Variants in STK33 observed in about 807,000 individuals in gnomAD.
The protein encoded by STK33 is serine/threonine-protein kinase 33.
A neutral mutation model predicts 58.0 loss-of-function variants in STK33; 52 were observed. That is an observed-to-expected ratio of 0.90 (90% CI 0.72 to 1.13). The LOEUF (loss-of-function observed/expected upper bound fraction) is 1.13. Among genes scored for constraint, STK33 ranks in the 50% most tolerant of loss-of-function variants. STK33 has a pLI of 0.00. For missense variants in STK33, 630 were observed against 604.2 expected (o/e 1.04, Z -0.45); for synonymous variants, 215 against 200.1 (o/e 1.07, Z -0.63).
At chr11:8,529,771 A>G (rs1954367695) in intron 1 of STK33, among the ~76,000 whole-genome samples, 1 of 152,184 alleles carries the variant, frequency 6.6e-6, no homozygotes. Context: ...AGAAGCTGAG[A>G]AAGGCAAGGC....
chr11:8,541,174 T>C (rs1462221821), intron 1 of STK33, among the ~76,000 whole-genome samples: 1 of 152,136 alleles, frequency 6.6e-6, no homozygotes, highest in African/African-American at 2.4e-5. Flanking sequence ...AATTAAATTA[T>C]ATCATTACTT....
intron 12 of STK33, 31 bp downstream of exon 12, chr11:8,440,647 T>C: frequency 2.6e-6 from 4 of 1,530,814 alleles, no homozygotes; most frequent in Non-Finnish European, 3.5e-6. Context: ...TATCCACTCA[T>C]CTTAAAGTGT....
At chr11:8,577,109 A>C (rs1389243029) in intron 1 of STK33, among the ~76,000 whole-genome samples, 2 of 152,168 alleles carry the variant, frequency 1.3e-5, no homozygotes, top group Non-Finnish European at 2.9e-5. Context: ...TGTCTAGTAA[A>C]TAGTTAGCAG....
chr11:8,555,076 A>G (rs1956639229), intron 1 of STK33: 1 of 152,164 alleles, frequency 6.6e-6, no homozygotes, highest in Non-Finnish European at 1.5e-5. Context: ...TTGGAGGCCA[A>G]GATGGCCCTT....
At chr11:8,351,801 A>G in the STK33 span, among the ~76,000 whole-genome samples, 1 of 152,066 alleles carries the variant, frequency 6.6e-6, no homozygotes, top group Non-Finnish European at 1.5e-5. Flanking sequence ...CTCCTGGCTC[A>G]CCTGAGACCT....
chr11:8,585,211 C>G (rs1447084066), intron 1 of STK33, among the ~76,000 whole-genome samples: 4 of 136,890 alleles, frequency 2.9e-5, no homozygotes, highest in Non-Finnish European at 4.6e-5. Context: ...GTGTGAGCCA[C>G]TGCACCCAGC....
chr11:8,365,465 G>C, the STK33 span, among the ~76,000 whole-genome samples: 1 of 152,216 alleles, frequency 6.6e-6, no homozygotes, highest in Admixed American at 6.5e-5. Context: ...TGCAGTGACA[G>C]TAACAAATTC....
chr11:8,471,566 G>T (rs944172993), intron 6 of STK33, among the ~76,000 whole-genome samples: 2 of 151,922 alleles, frequency 1.3e-5, no homozygotes, highest in Non-Finnish European at 2.9e-5. Flanking sequence ...GCTATGTAAG[G>T]GTAATAGAAT....
intron 1 of STK33, among the ~76,000 whole-genome samples, chr11:8,557,429 A>T (rs1273574764): frequency 1.3e-5 from 2 of 151,908 alleles, no homozygotes; most frequent in Non-Finnish European, 2.9e-5. Flanking sequence ...ATTTCAACTT[A>T]AAGCTGAATT....
chr11:8,523,765 G>A (rs570328575), intron 1 of STK33, among the ~76,000 whole-genome samples: 9 of 137,196 alleles, frequency 6.6e-5, no homozygotes, highest in South Asian at 4.8e-4. Context: ...CCCGGCCGCC[G>A]CGTCTGGGAA....
At chr11:8,532,132 C>G (rs930056591) in intron 1 of STK33, among the ~76,000 whole-genome samples, 2 of 152,148 alleles carry the variant, frequency 1.3e-5, no homozygotes, top group South Asian at 4.1e-4. Flanking sequence ...ATTCCTGGGC[C>G]CCATCCCAGA....
chr11:8,372,011 G>A, the STK33 span, among the ~76,000 whole-genome samples: 18 of 151,812 alleles, frequency 1.2e-4, no homozygotes, highest in East Asian at 1.9e-3. Flanking sequence ...TCAGCCTCCC[G>A]AGTTGCTGGA....
chr11:8,438,849 C>G (rs984428655), intron 12 of STK33, among the ~76,000 whole-genome samples: 6 of 152,112 alleles, frequency 3.9e-5, no homozygotes, highest in Non-Finnish European at 8.8e-5. Context: ...AATTTTTGCA[C>G]TATGATTTTA....
At chr11:8,429,674 T>C (rs1943182145) in intron 14 of STK33, among the ~76,000 whole-genome samples, 1 of 152,062 alleles carries the variant, frequency 6.6e-6, no homozygotes, top group Non-Finnish European at 1.5e-5. Context: ...CTTACTGAAG[T>C]TCCGTCTGTC....
chr11:8,404,946 C>T (rs915003879), intron 15 of STK33, among the ~76,000 whole-genome samples: 2 of 152,168 alleles, frequency 1.3e-5, no homozygotes, highest in Admixed American at 1.3e-4. Flanking sequence ...AGAGACCATC[C>T]TGACTAACAC....
intron 1 of STK33, among the ~76,000 whole-genome samples, chr11:8,588,070 T>C (rs1417091710): frequency 6.6e-6 from 1 of 152,178 alleles, no homozygotes; most frequent in African/African-American, 2.4e-5. Flanking sequence ...CTCTGTCCTC[T>C]CATGGTAGAG....
intron 1 of STK33, among the ~76,000 whole-genome samples, chr11:8,536,015 G>T (rs528779251): frequency 3.3e-5 from 5 of 152,106 alleles, no homozygotes; most frequent in East Asian, 1.9e-4. Flanking sequence ...GGCAAATAAC[G>T]CATGTTCTCA....
chr11:8,342,910 A>C, the STK33 span, among the ~76,000 whole-genome samples: 1 of 152,248 alleles, frequency 6.6e-6, no homozygotes, highest in Non-Finnish European at 1.5e-5. Context: ...GGTGTGTGTC[A>C]GGGAAAGTGC....
At chr11:8,344,198 A>AACAC in the STK33 span, among the ~76,000 whole-genome samples, 4,362 of 137,170 alleles carry the variant, frequency 0.032, 99 homozygotes, top group Admixed American at 0.085. Context: ...AAACAAACAA[A>AACAC]ACACACACAC....
Sources: allele counts gnomAD v4.1 joint callset (sites outside exome capture counted in the v4.1 genomes callset), GRCh38; gene constraint gnomAD v4.1.1; transcripts MANE v1.5; gene names NCBI Gene and HGNC (gene_info 2026-07-23, HGNC 2026-07-21).